The following DIP2C variants were observed in gnomAD, a reference collection of about 807,000 sequenced individuals.
The protein encoded by DIP2C is DIP2 acetate--CoA ligase C (putative).
A neutral mutation model predicts 192.4 loss-of-function variants in DIP2C; 33 were observed. The observed-to-expected ratio is 0.17, with a 90% CI of 0.13 to 0.23. DIP2C has a LOEUF of 0.23. Ranked by LOEUF, DIP2C falls within the 10% of genes least tolerant of loss-of-function variation. The probability of loss-of-function intolerance (pLI) is 1.00; values close to 1 mark genes in which losing one functional copy is unlikely to be tolerated. For missense variants in DIP2C, 1,537 were observed against 2,110.1 expected, an observed-to-expected ratio of 0.73 and a Z score of 5.32; for synonymous variants, 979 against 864.1, an observed-to-expected ratio of 1.13 and a Z score of -2.33.
intron 1 of DIP2C, among the ~76,000 whole-genome samples, chr10:598,191 A>C (rs1487244693): frequency 6.6e-6 from 1 of 152,164 alleles, no homozygotes; most frequent in African/African-American, 2.4e-5. Flanking sequence ...GGGGAGGCCA[A>C]GGCCGGCACC....
rs1235448052 is a variant in DIP2C, at chr10:419,185, G to A, written c.619C>T (p.Pro207Ser). 7 of 1,614,232 alleles carry A rather than the reference G, an allele frequency of 4.3e-6. No individual in the cohort carries two copies. The highest frequency in any genetic ancestry group is 5.1e-6 in the Non-Finnish European group (6 of 1,180,042). Residue 207 changes from proline to serine, a missense_variant, in exon 6 of 37, where the codon CCT becomes TCT. Coordinates refer to ENST00000280886, the MANE Select transcript of DIP2C (RefSeq NM_014974.3). ...AQTHIENHSAPPDVTTYTSEH... is the reference protein window; with the variant it reads ...AQTHIENHSASPDVTTYTSEH... ...GAGGTGTACGTGGTTACGTCAGGAG[G>A]TGCAGAATGATTTTCTGTAAAGAAA...
At chr10:562,356 G>A (rs993206747) in intron 1 of DIP2C, among the ~76,000 whole-genome samples, 2 of 152,224 alleles carry the variant, frequency 1.3e-5, no homozygotes, top group South Asian at 2.1e-4. Context: ...AGTTACAGGT[G>A]GACCTTCTAG....
intron 3 of DIP2C, among the ~76,000 whole-genome samples, chr10:471,893 C>A (rs1279783727): frequency 6.6e-6 from 1 of 152,162 alleles, no homozygotes; most frequent in African/African-American, 2.4e-5. Context: ...GCTAGGACTA[C>A]AGGTGCCCAC....
At chr10:545,061 C>T (rs140500683) in intron 1 of DIP2C, among the ~76,000 whole-genome samples, 2 of 152,066 alleles carry the variant, frequency 1.3e-5, no homozygotes, top group Non-Finnish European at 2.9e-5. Flanking sequence ...CATGTTAAAG[C>T]CACAACCCCT....
In DIP2C at chr10:327,111, G is replaced by A. The variant is rs780692048; in HGVS notation, c.3819C>T (p.Ile1273=). Residue 1273 remains isoleucine, a synonymous_variant, in exon 31 of 37, where the codon ATC becomes ATT. Transcript: ENST00000280886. The part of the protein sequence containing the change: ...CVVVAEERPR[I]ALTQSFSKLF... ...GCTTTGAGAACGACTGTGTGAGTGC[G>A]ATCCGAGGCCTCTCTTCCGCCACAA... The A allele has an allele frequency of 1.6e-5, 26 of 1,614,012 alleles. No individual in the cohort carries two copies. Among genetic ancestry groups the A allele is most frequent in the African/African-American group, 1.1e-4 (8 of 74,920 alleles).
At position 517,826 on chromosome 10, in the gene DIP2C, T is replaced by C. The variant is rs533432669; in HGVS notation, c.86-31296A>G. On this transcript the variant is annotated intron_variant, in intron 1 of 36. Coordinates refer to ENST00000280886, the MANE Select transcript of DIP2C (RefSeq NM_014974.3). ...TATTAACAACCAGTAGCCTTTCTCA[T>C]CTGGTGCTTTTTAACAAGAGGGTCC... Among the ~76,000 whole-genome samples the C allele has an allele frequency of 4.6e-5, 7 of 152,300 alleles. No individual in the cohort carries two copies. In the East Asian group the frequency reaches 1.2e-3, roughly 25 times the overall value.
intron 1 of DIP2C, among the ~76,000 whole-genome samples, chr10:498,103 T>TG (rs1307410425): frequency 6.6e-6 from 1 of 152,186 alleles, no homozygotes; most frequent in Non-Finnish European, 1.5e-5. Flanking sequence ...ACTCCTCAAG[T>TG]GATCCACCCA....
At chr10:472,315 G>C in intron 3 of DIP2C, 124 bp downstream of exon 3, 1 of 760,672 alleles carries the variant, frequency 1.3e-6, no homozygotes, top group South Asian at 1.8e-5. Flanking sequence ...CAGAAAGCTG[G>C]AGGCCCCTCG....
chr10:315,874 A>C (rs1283751291), intron 31 of DIP2C, among the ~76,000 whole-genome samples: 1 of 152,018 alleles, frequency 6.6e-6, no homozygotes, highest in African/African-American at 2.4e-5. Flanking sequence ...TCCTTGTTTT[A>C]TGCTTAGGTC....
intron 1 of DIP2C, among the ~76,000 whole-genome samples, chr10:635,543 C>T (rs935694082): frequency 6.6e-6 from 1 of 152,224 alleles, no homozygotes; most frequent in Non-Finnish European, 1.5e-5. Flanking sequence ...CGAGGGCCTG[C>T]GTCTCCTCAT....
chr10:289,232 TG>T (rs1955344395), intron 32 of DIP2C, among the ~76,000 whole-genome samples: 1 of 151,142 alleles, frequency 6.6e-6, no homozygotes, highest in Non-Finnish European at 1.5e-5. Context: ...AGGGGGCCTG[TG>T]GGCTCCTGAG....
At position 419,338 on chromosome 10, in the gene DIP2C, C is replaced by A. The variant is rs182340314; in HGVS notation, c.605-139G>T. ...ATGGAAAGCCAGAGCCGATCTCAGC[C>A]GCATCTGCCACACACATCCAGCACA... On this transcript the variant is annotated intron_variant, in intron 5 of 36. Coordinates refer to ENST00000280886, the MANE Select transcript of DIP2C (RefSeq NM_014974.3). 9.0e-6 allele frequency: 11 copies of A among 1,219,284 alleles called. No individual in the cohort carries two copies. The Admixed American group carries it at 2.2e-4, about 24-fold the overall frequency. The allele number at this position is 1,219,284 out of a possible 1,614,324, so 75.5% of individuals were successfully genotyped here.
intron 10 of DIP2C, among the ~76,000 whole-genome samples, chr10:398,276 A>G (rs1964149902): frequency 1.3e-5 from 2 of 152,254 alleles, no homozygotes; most frequent in South Asian, 4.1e-4. Flanking sequence ...CTTCCTCCAC[A>G]TAATAAAATC....
intron 2 of DIP2C, among the ~76,000 whole-genome samples, chr10:481,775 A>C (rs1184944145): frequency 2.0e-5 from 3 of 152,116 alleles, no homozygotes; most frequent in Non-Finnish European, 2.9e-5. Context: ...CTGCACATCC[A>C]TCCTCGTACC....
intron 1 of DIP2C, among the ~76,000 whole-genome samples, chr10:617,655 A>ACCCCCCCCCCCCCC (rs3049602): frequency 7.6e-6 from 1 of 132,326 alleles, no homozygotes. Flanking sequence ...TGTGGATACC[A>ACCCCCCCCCCCCCC]CCCCCCCACC....
chr10:607,655 G>A (rs1252079165), intron 1 of DIP2C, among the ~76,000 whole-genome samples: 1 of 152,086 alleles, frequency 6.6e-6, no homozygotes, highest in Admixed American at 6.5e-5. Context: ...GCCCATCTCG[G>A]CCCAAACGAT....
intron 1 of DIP2C, among the ~76,000 whole-genome samples, chr10:626,693 G>C (rs1854225453): frequency 6.6e-6 from 1 of 152,122 alleles, no homozygotes; most frequent in Non-Finnish European, 1.5e-5. Flanking sequence ...AGAAGGGCCT[G>C]AGCCCCTCTC....
chr10:326,851 AAC>A (rs1352640051), intron 31 of DIP2C, among the ~76,000 whole-genome samples, 153 bp downstream of exon 31: 1 of 152,146 alleles, frequency 6.6e-6, no homozygotes, highest in African/African-American at 2.4e-5. Context: ...AGTTTAAAGA[AAC>A]AGAGATCTGC....
At chr10:288,702 T>C (rs1295914669) in intron 32 of DIP2C, among the ~76,000 whole-genome samples, 1 of 152,156 alleles carries the variant, frequency 6.6e-6, no homozygotes, top group Non-Finnish European at 1.5e-5. Context: ...CCACTTAGCA[T>C]TTTCAGAAAA....
Sources: allele counts gnomAD v4.1 joint callset (sites outside exome capture counted in the v4.1 genomes callset), GRCh38; gene constraint gnomAD v4.1.1; transcripts MANE v1.5; gene names NCBI Gene and HGNC (gene_info 2026-07-23, HGNC 2026-07-21).